RGPD4: variants seen among roughly 807,000 people sequenced by gnomAD.
The protein encoded by RGPD4 is ranBP2-like and GRIP domain-containing protein 4.
Under a neutral mutation model 141.1 loss-of-function variants are expected in RGPD4, and 84 were observed. That is an observed-to-expected ratio of 0.60 (90% CI 0.50 to 0.71). The LOEUF is 0.71. Ranked by LOEUF, RGPD4 falls within the 30% of genes least tolerant of loss-of-function variation. The pLI, the probability that RGPD4 is intolerant of heterozygous loss-of-function variation, is 0.00. For synonymous variants in RGPD4, 298 were observed against 566.8 expected (o/e 0.53, Z 6.74); for missense variants, 918 against 1,622.4 (o/e 0.57, Z 7.46).
At chr2:107,862,468 AG>A (rs1682575764) in intron 15 of RGPD4, among the ~76,000 whole-genome samples, 1 of 152,240 alleles carries the variant, frequency 6.6e-6, no homozygotes, top group African/African-American at 2.4e-5. Flanking sequence ...AGGAAAAAAT[AG>A]AATAAAGACA....
At chr2:107,827,591 C>G (rs1163833374) in intron 1 of RGPD4, among the ~76,000 whole-genome samples, 4 of 53,698 alleles carry the variant, frequency 7.4e-5, no homozygotes, top group East Asian at 3.3e-4. Flanking sequence ...GCGGCGGCCT[C>G]GACCTGGCCC....
chr2:107,884,084 T>A (rs1675441599), intron 22 of RGPD4, among the ~76,000 whole-genome samples: 1 of 151,826 alleles, frequency 6.6e-6, no homozygotes, highest in Admixed American at 6.6e-5. Flanking sequence ...TGCATTTGGT[T>A]GATGTTCCTT....
intron 1 of RGPD4, among the ~76,000 whole-genome samples, chr2:107,831,361 C>T (rs1681479188): frequency 7.0e-6 from 1 of 143,740 alleles, no homozygotes; most frequent in East Asian, 2.0e-4. Context: ...TAGGGTCTTG[C>T]TATGTTGCTC....
At chr2:107,884,293 G>T (rs1380415011) in intron 22 of RGPD4, among the ~76,000 whole-genome samples, 2 of 152,132 alleles carry the variant, frequency 1.3e-5, no homozygotes, top group Non-Finnish European at 2.9e-5. Flanking sequence ...GTAGAGACGA[G>T]GTTTCACCAT....
At chr2:107,828,015 G>A (rs1329420570) in intron 1 of RGPD4, among the ~76,000 whole-genome samples, 32 of 63,722 alleles carry the variant, frequency 5.0e-4, no homozygotes, top group African/African-American at 2.3e-3. Flanking sequence ...CCGGCCCGGC[G>A]GCGGCCGCGA....
In RGPD4 at chr2:107,857,381, C is replaced by T. The variant is rs568785286; in HGVS notation, c.1276+412C>T. On this transcript the variant is annotated intron_variant, in intron 9 of 22. Transcript: ENST00000408999. Reference sequence around the variant, plus strand: ...CTCAAACTCCTGACCTCAGGTGATCCACCTGCCTTGGCCTCCCAAAGTGCT... The same window carrying T: ...CTCAAACTCCTGACCTCAGGTGATCTACCTGCCTTGGCCTCCCAAAGTGCT... 8.6e-5 allele frequency among the ~76,000 whole-genome samples: 13 copies of T among 150,546 alleles called. 1 individual carries two copies. In the East Asian group the frequency reaches 2.6e-3, roughly 30 times the overall value.
chr2:107,852,266 G>T (rs1231455619), intron 7 of RGPD4, among the ~76,000 whole-genome samples: 103 of 145,578 alleles, frequency 7.1e-4, no homozygotes, highest in African/African-American at 2.3e-3. Context: ...AAAAAAAAAA[G>T]GAAATAGTGA....
intron 20 of RGPD4, among the ~76,000 whole-genome samples, chr2:107,874,404 T>G (rs879321518): frequency 2.6e-3 from 379 of 148,144 alleles, no homozygotes; most frequent in Non-Finnish European, 4.1e-3. Context: ...TTGAAGGCCT[T>G]CAAGAACAGG....
intron 22 of RGPD4, among the ~76,000 whole-genome samples, chr2:107,885,290 A>G (rs925264044): frequency 2.0e-5 from 3 of 152,210 alleles, no homozygotes; most frequent in African/African-American, 7.2e-5. Flanking sequence ...AACTAATTTT[A>G]TAGTTATAAA....
Position 107,869,858 on chromosome 2 carries a change from C to G in RGPD4, c.2606-25C>G, listed in dbSNP as rs750845866. 1.4e-5 allele frequency: 20 copies of G among 1,427,480 alleles called. No individual in the cohort carries two copies. The African/African-American group carries it at 1.5e-4, about 11-fold the overall frequency. The allele number at this position is 1,427,480 out of a possible 1,614,324, so 88.4% of individuals were successfully genotyped here. ...GTAGTATAGACTTTAACAGTGTTTT[C>G]TTTCTTTTCTTTTTTTTTTTTTAGT... On this transcript the variant is annotated intron_variant, in intron 18 of 22. Coordinates refer to ENST00000408999, the MANE Select transcript of RGPD4 (RefSeq NM_182588.3).
chr2:107,890,548 CAAAAA>C (rs1210623696), intron 22 of RGPD4, among the ~76,000 whole-genome samples, 168 bp from the exon 23 acceptor site: 2 of 16,280 alleles, frequency 1.2e-4, no homozygotes, highest in African/African-American at 5.5e-4. Flanking sequence ...GACCCTGTCT[CAAAAA>C]AAAAAAAAAA....
At position 107,874,570 on chromosome 2, in the gene RGPD4, G is replaced by A. The variant is rs967001945; in HGVS notation, c.4924+1642G>A. On this transcript the variant is annotated intron_variant, in intron 20 of 22. Coordinates refer to ENST00000408999, the MANE Select transcript of RGPD4 (RefSeq NM_182588.3). ...TCTTAATCTTTTATTTTAAAGATAC[G>A]GTCTTTGAGAAATGTGAAAAGTGTT... Among the ~76,000 whole-genome samples the A allele has an allele frequency of 1.0e-4, 15 of 149,390 alleles. 1 individual carries two copies. Among genetic ancestry groups the A allele is most frequent in the South Asian group, 2.1e-4 (1 of 4,692 alleles).
Position 107,880,074 on chromosome 2 carries a change from G to A in RGPD4, c.5031G>A (p.Glu1677=), listed in dbSNP as rs1675310531. 1 of 1,611,360 alleles carries A rather than the reference G, an allele frequency of 6.2e-7. No homozygotes were observed. Among genetic ancestry groups the A allele is most frequent in the South Asian group, 1.1e-5 (1 of 90,980 alleles). Residue 1677 remains glutamate (E), a synonymous_variant, in exon 21 of 23, where the codon GAG becomes GAA. Transcript: ENST00000408999. ...DHLNGLLREA[E]ATSAVLMEQI... ...TAAACGGCCTGCTTCGGGAAGCAGA[G>A]GCAACCAGTGCAGTCCTTATGGAGC...
chr2:107,827,755 C>G (rs1187643357), intron 1 of RGPD4, among the ~76,000 whole-genome samples: 1 of 37,898 alleles, frequency 2.6e-5, no homozygotes, highest in Admixed American at 1.9e-4. Context: ...TGGCTCCTGA[C>G]GGGCGCTGCT....
intron 9 of RGPD4, among the ~76,000 whole-genome samples, chr2:107,857,415 A>G (rs535766273): frequency 6.7e-6 from 1 of 148,946 alleles, no homozygotes; most frequent in Non-Finnish European, 1.5e-5. Flanking sequence ...CTGGGATTAC[A>G]GGTGTGAGCC....
intron 1 of RGPD4, among the ~76,000 whole-genome samples, chr2:107,829,691 C>T (rs1035272690): frequency 8.5e-5 from 13 of 152,102 alleles, no homozygotes; most frequent in African/African-American, 3.1e-4. Context: ...CTGGGGGGAC[C>T]GCGGCGGGCG....
In RGPD4 at chr2:107,892,219, C is replaced by T. The variant is rs1172541050; in HGVS notation, c.*1488C>T. 1.9e-5 allele frequency among the ~76,000 whole-genome samples: 1 copy of T among 52,586 alleles called. No homozygotes were observed. Among genetic ancestry groups the T allele is most frequent in the African/African-American group, 1.4e-4 (1 of 7,180 alleles). 34.5% of individuals were successfully genotyped at this position (52,586 alleles called of 152,430 possible). On this transcript the variant is annotated 3_prime_UTR_variant, in exon 23 of 23. Transcript: ENST00000408999. ...TCCTTAGAAGAACAGACCTAACTAG[C>T]GAATGTATGAATGAAAATGCATCTA...
chr2:107,830,952 A>G (rs1681462801), intron 1 of RGPD4, among the ~76,000 whole-genome samples: 1 of 152,136 alleles, frequency 6.6e-6, no homozygotes, highest in Non-Finnish European at 1.5e-5. Context: ...CTTCGTCTGT[A>G]ATCTGAGCAC....
At chr2:107,827,223 G>C (rs1255854162) in intron 1 of RGPD4, 138 bp downstream of exon 1, 7 of 510,576 alleles carry the variant, frequency 1.4e-5, no homozygotes, top group East Asian at 5.0e-5. Flanking sequence ...CTGTTGAGGC[G>C]GCGGCCTCGA....
Sources: gnomAD v4.1 joint callset for allele counts (sites outside exome capture counted in the v4.1 genomes callset) on GRCh38, gnomAD v4.1.1 for gene constraint, MANE v1.5 for transcripts, NCBI Gene and HGNC (gene_info 2026-07-23, HGNC 2026-07-21) for gene names.